ABCC12: variants seen among roughly 807,000 people sequenced by gnomAD.
ABCC12 encodes ATP binding cassette subfamily C member 12.
In ABCC12, 142 loss-of-function variants were observed where a neutral mutation model predicts 151.1. The observed-to-expected ratio is 0.94, with a 90% CI of 0.82 to 1.08. The LOEUF is 1.08. Among genes scored for constraint, ABCC12 ranks in the 50% least tolerant of loss-of-function variants. ABCC12 has a pLI of 0.00. For missense variants in ABCC12, 1,638 were observed against 1,691.1 expected, an observed-to-expected ratio of 0.97 and a Z score of 0.55; for synonymous variants, 645 against 646.4, an observed-to-expected ratio of 1.00 and a Z score of 0.03.
intron 2 of ABCC12, among the ~76,000 whole-genome samples, chr16:48,152,820 G>A (rs1485604251): frequency 6.6e-6 from 1 of 152,198 alleles, no homozygotes; most frequent in Non-Finnish European, 1.5e-5. Context: ...CAAGTGGCCT[G>A]TGCTCTTCAA....
At chr16:48,114,565 A>G (rs1039791407) in intron 15 of ABCC12, among the ~76,000 whole-genome samples, 7 of 152,166 alleles carry the variant, frequency 4.6e-5, no homozygotes, top group African/African-American at 1.7e-4. Context: ...AACATAAGTC[A>G]ATCCCAAGGA....
chr16:48,100,567 A>AT (rs1240337600), intron 23 of ABCC12, among the ~76,000 whole-genome samples: 2 of 152,254 alleles, frequency 1.3e-5, no homozygotes, highest in Admixed American at 6.5e-5. Flanking sequence ...GCTGTAAGTG[A>AT]TTTTTTTCTT....
rs572779583 is a variant in ABCC12 at position 48,105,190 on chromosome 16, G to A, written c.2622C>T (p.Thr874=). ...AGGAGGATGCCATCAGTGTGGTCTT[G>A]GTGAAGACGAAGCCTTTGGTGACGC... ...VFGVTKGFVF[T]KTTLMASSSL... is the part of the protein sequence containing the mutation. Residue 874 remains threonine, a synonymous_variant, in exon 21 of 31, where the codon ACC becomes ACT. Coordinates refer to ENST00000311303, the MANE Select transcript of ABCC12 (RefSeq NM_001393797.1). 4 of 1,614,154 alleles carry A rather than the reference G, an allele frequency of 2.5e-6. No individual in the cohort carries two copies. The East Asian group carries it at 6.7e-5, about 27-fold the overall frequency.
chr16:48,086,014 T>G (rs958151426), intron 28 of ABCC12, among the ~76,000 whole-genome samples: 1 of 152,098 alleles, frequency 6.6e-6, no homozygotes, highest in South Asian at 2.1e-4. Flanking sequence ...GCTTTCTGGA[T>G]TGCTGTTTCC....
chr16:48,143,374 G>A (rs983299839), intron 4 of ABCC12, among the ~76,000 whole-genome samples: 3 of 152,178 alleles, frequency 2.0e-5, no homozygotes, highest in Admixed American at 2.0e-4. Context: ...GGGCCAAGAA[G>A]TTCATGCAGT....
chr16:48,138,597 A>G (rs1265577119), intron 7 of ABCC12, among the ~76,000 whole-genome samples: 5 of 152,160 alleles, frequency 3.3e-5, no homozygotes, highest in African/African-American at 1.2e-4. Flanking sequence ...CAGGACTCAA[A>G]GAGAGTGCTG....
chr16:48,088,475 T>C (rs1179635219), intron 26 of ABCC12, 70 bp downstream of exon 26: 1 of 1,535,692 alleles, frequency 6.5e-7, no homozygotes, highest in African/African-American at 1.4e-5. Flanking sequence ...CTGGTGTGAC[T>C]TAACTAGGAC....
intron 8 of ABCC12, among the ~76,000 whole-genome samples, chr16:48,136,103 C>T (rs537975922): frequency 3.3e-5 from 5 of 152,068 alleles, no homozygotes; most frequent in South Asian, 2.1e-4. Context: ...GGTTTGCTTG[C>T]GCAGGTTTGC....
chr16:48,104,896 G>A (rs967476027), intron 21 of ABCC12, among the ~76,000 whole-genome samples: 6 of 152,194 alleles, frequency 3.9e-5, no homozygotes, highest in African/African-American at 1.4e-4. Flanking sequence ...TCTCTGCGGC[G>A]GAGTGGCCTC....
At chr16:48,150,917 G>A (rs1229513520) in intron 2 of ABCC12, among the ~76,000 whole-genome samples, 1 of 152,034 alleles carries the variant, frequency 6.6e-6, no homozygotes, top group Non-Finnish European at 1.5e-5. Flanking sequence ...TTGCTTATTT[G>A]TAAGCTCCAA....
chr16:48,125,548 T>C (rs1370878941), intron 11 of ABCC12, among the ~76,000 whole-genome samples: 3 of 152,044 alleles, frequency 2.0e-5, no homozygotes, highest in Non-Finnish European at 4.4e-5. Context: ...TGCCATGGGG[T>C]ATCTGGGGAG....
intron 2 of ABCC12, 102 bp from the exon 3 acceptor site, chr16:48,146,576 G>A: frequency 1.6e-6 from 1 of 638,098 alleles, no homozygotes; most frequent in Non-Finnish European, 2.7e-6. Context: ...TTTGACCCCT[G>A]AGAACTGTTT....
intron 8 of ABCC12, among the ~76,000 whole-genome samples, chr16:48,136,371 C>T (rs1964609589): frequency 6.6e-6 from 1 of 152,136 alleles, no homozygotes; most frequent in Admixed American, 6.6e-5. Flanking sequence ...TTCCCAGTCT[C>T]CCCAACCCAG....
rs913919465 is a variant in ABCC12, at chr16:48,087,126, C to G, written c.3636-307G>C. The G allele has an allele frequency of 5.6e-5, 17 of 304,932 alleles. No homozygotes were observed. The Admixed American group carries it at 6.6e-4, about 12-fold the overall frequency. 18.9% of individuals were successfully genotyped at this position (304,932 alleles called of 1,614,324 possible). ...ACACACCTGGGCCTCTCAGCAGCCC[C>G]GAGTAGCAGAGTGGGTTTGAACTGA... On this transcript the variant is annotated intron_variant, in intron 27 of 30. Coordinates refer to ENST00000311303, the MANE Select transcript of ABCC12 (RefSeq NM_001393797.1).
intron 11 of ABCC12, among the ~76,000 whole-genome samples, chr16:48,128,224 G>C (rs1038469152): frequency 5.3e-5 from 8 of 152,218 alleles, no homozygotes; most frequent in Non-Finnish European, 1.0e-4. Flanking sequence ...CTGACTCTAA[G>C]AGAAGTACTG....
At chr16:48,130,932 A>G (rs768866256) in intron 9 of ABCC12, 37 bp from the exon 10 acceptor site, 5 of 1,486,852 alleles carry the variant, frequency 3.4e-6, no homozygotes, top group Non-Finnish European at 4.7e-6. Flanking sequence ...GTTTAGAAGG[A>G]GAAGTCACGT....
At chr16:48,146,022 G>A (rs1374434085) in intron 3 of ABCC12, among the ~76,000 whole-genome samples, 1 of 152,214 alleles carries the variant, frequency 6.6e-6, no homozygotes, top group Non-Finnish European at 1.5e-5. Flanking sequence ...GTACCTCCAG[G>A]GAGTTTGTGA....
At position 48,133,766 on chromosome 16, in the gene ABCC12, G is replaced by A. The variant is rs766954145; in HGVS notation, c.1049C>T (p.Ala350Val). The part of the protein sequence containing the change: ...GFVQSGNSAL[A>V]PIVSTIAIVL... ...GATGGCTATGGTGGACACGATGGGGGCCAGGGCAGAGTTTCCACTTTGGAC... is the reference window on the plus strand; with the variant it reads ...GATGGCTATGGTGGACACGATGGGGACCAGGGCAGAGTTTCCACTTTGGAC... The change falls in exon 9 of 31, where the codon GCC (alanine) becomes GTC (valine). Residue 350 changes from alanine (A) to valine (V), a missense_variant. Ala to Val is a moderately conservative substitution (Grantham distance 64). Coordinates refer to ENST00000311303, the MANE Select transcript of ABCC12 (RefSeq NM_001393797.1). 6.2e-7 allele frequency: 1 copy of A among 1,614,140 alleles called. No homozygotes were observed. Among genetic ancestry groups the A allele is most frequent in the Non-Finnish European group, 8.5e-7 (1 of 1,180,028 alleles).
intron 22 of ABCC12, 32 bp downstream of exon 22, chr16:48,104,110 C>A (rs760809831): frequency 1.3e-6 from 2 of 1,596,384 alleles, no homozygotes; most frequent in South Asian, 2.2e-5. Context: ...GTGTGTGTAT[C>A]GTTTTCTCGT....
Sources: gnomAD v4.1 joint callset for allele counts (sites outside exome capture counted in the v4.1 genomes callset) on GRCh38, gnomAD v4.1.1 for gene constraint, MANE v1.5 for transcripts, NCBI Gene and HGNC (gene_info 2026-07-23, HGNC 2026-07-21) for gene names.